Variants in TMEM117 observed in about 807,000 individuals in gnomAD.
The protein encoded by TMEM117 is transmembrane protein 117.
Under a neutral mutation model 52.4 loss-of-function variants are expected in TMEM117, and 27 were observed. That is an observed-to-expected ratio of 0.51 (90% CI 0.38 to 0.71). The LOEUF (loss-of-function observed/expected upper bound fraction) is 0.71, where lower values mean the gene tolerates loss of function less well. Ranked by LOEUF, TMEM117 falls within the 30% of genes least tolerant of loss-of-function variation. TMEM117 has a pLI of 0.00. For synonymous variants in TMEM117, 215 were observed against 206.3 expected, an observed-to-expected ratio of 1.04 and a Z score of -0.36; for missense variants, 556 against 630.5, an observed-to-expected ratio of 0.88 and a Z score of 1.26.
Position 43,978,406 on chromosome 12 carries a change from C to A in TMEM117, c.410+34064C>A, listed in dbSNP as rs193264003. ...TCATTAATAATATTGATAGGCTGAA[C>A]GGAAAAGGTCTCCAGGGCCAATATT... On this transcript the variant is annotated intron_variant, in intron 3 of 7. Transcript: ENST00000266534. Among the ~76,000 whole-genome samples the A allele has an allele frequency of 4.1e-4, 62 of 152,178 alleles. No homozygotes were observed. In the South Asian group the frequency reaches 0.012, roughly 31 times the overall value.
chr12:43,937,799 G>T (rs1944977450), intron 2 of TMEM117, among the ~76,000 whole-genome samples: 1 of 152,124 alleles, frequency 6.6e-6, no homozygotes, highest in Admixed American at 6.5e-5. Context: ...ACTATGCCAT[G>T]AGGACATAGT....
chr12:44,252,831 C>T lies in TMEM117; in HGVS notation c.608+41444C>T, dbSNP rs1950211348. Among the ~76,000 whole-genome samples the T allele has an allele frequency of 1.3e-5, 2 of 152,122 alleles. 1 individual carries two copies. Among genetic ancestry groups the T allele is most frequent in the Middle Eastern group, 6.3e-3 (2 of 316 alleles). On this transcript the variant is annotated intron_variant, in intron 5 of 7. Transcript: ENST00000266534. Reference sequence around the variant, plus strand: ...TGACACAGAGGAGGCATTAAAGGGGCAGTATGGACATGTCAGTCCCACTCC... The same window carrying T: ...TGACACAGAGGAGGCATTAAAGGGGTAGTATGGACATGTCAGTCCCACTCC...
chr12:44,047,312 A>G (rs1946895726), intron 3 of TMEM117, among the ~76,000 whole-genome samples: 1 of 152,222 alleles, frequency 6.6e-6, no homozygotes, highest in African/African-American at 2.4e-5. Flanking sequence ...CTCATAATCC[A>G]TGGGATTTTA....
At chr12:44,318,065 A>G (rs1001199513) in intron 6 of TMEM117, among the ~76,000 whole-genome samples, 1 of 152,154 alleles carries the variant, frequency 6.6e-6, no homozygotes, top group Non-Finnish European at 1.5e-5. Flanking sequence ...CTCCTAATCC[A>G]GTAGAGTGGA....
At chr12:44,315,631 A>G (rs1225599188) in intron 6 of TMEM117, among the ~76,000 whole-genome samples, 1 of 151,976 alleles carries the variant, frequency 6.6e-6, no homozygotes, top group East Asian at 1.9e-4. Flanking sequence ...TATGATTTCT[A>G]TTTTTTCTAA....
At chr12:43,874,301 C>T (rs972211304) in intron 2 of TMEM117, among the ~76,000 whole-genome samples, 4 of 152,078 alleles carry the variant, frequency 2.6e-5, no homozygotes, top group Admixed American at 2.0e-4. Flanking sequence ...CATATTAAGG[C>T]TGGGCATGGT....
At chr12:43,906,856 G>A (rs996062978) in intron 2 of TMEM117, among the ~76,000 whole-genome samples, 1 of 152,246 alleles carries the variant, frequency 6.6e-6, no homozygotes, top group African/African-American at 2.4e-5. Context: ...CCCCCACGGA[G>A]TCTCGCTGAT....
At chr12:44,186,110 A>G (rs561313736) in intron 4 of TMEM117, among the ~76,000 whole-genome samples, 1 of 152,338 alleles carries the variant, frequency 6.6e-6, no homozygotes, top group East Asian at 1.9e-4. Flanking sequence ...TGATCAGCAA[A>G]TGATTTGGCT....
Position 43,963,760 on chromosome 12 carries a change from A to C in TMEM117, c.410+19418A>C, listed in dbSNP as rs867784093. ...AGTCATTAAGATTGTCATTTGTGGT[A>C]ATAGTCTAAACTCATGGATTACTTA... is the stretch of plus-strand genomic sequence containing the variant. On this transcript the variant is annotated intron_variant, in intron 3 of 7. Coordinates refer to ENST00000266534, the MANE Select transcript of TMEM117 (RefSeq NM_032256.3). 1.3e-4 allele frequency among the ~76,000 whole-genome samples: 20 copies of C among 152,234 alleles called. 1 individual carries two copies. Among genetic ancestry groups the C allele is most frequent in the Admixed American group, 2.6e-4 (4 of 15,286 alleles).
At chr12:43,803,570 T>C in the TMEM117 span, among the ~76,000 whole-genome samples, 1 of 152,128 alleles carries the variant, frequency 6.6e-6, no homozygotes, top group African/African-American at 2.4e-5. Context: ...GTAGTGCCAT[T>C]TTCCTTCCGT....
At chr12:44,297,248 C>A (rs1592674452) in intron 5 of TMEM117, among the ~76,000 whole-genome samples, 1 of 152,166 alleles carries the variant, frequency 6.6e-6, no homozygotes, top group South Asian at 2.1e-4. Context: ...TATCAGTTTA[C>A]ATTTTTAGAC....
intron 3 of TMEM117, among the ~76,000 whole-genome samples, chr12:44,096,975 G>C (rs1353657140): frequency 6.6e-6 from 1 of 151,734 alleles, no homozygotes; most frequent in African/African-American, 2.4e-5. Context: ...TCTGACAAAG[G>C]GCTAATATCC....
intron 3 of TMEM117, among the ~76,000 whole-genome samples, chr12:44,119,122 A>G (rs1948192812): frequency 1.3e-5 from 2 of 152,238 alleles, no homozygotes; most frequent in Non-Finnish European, 2.9e-5. Context: ...AATGTGTGCC[A>G]AGCACATCAC....
At chr12:43,894,783 C>T (rs920012052) in intron 2 of TMEM117, among the ~76,000 whole-genome samples, 12 of 152,088 alleles carry the variant, frequency 7.9e-5, no homozygotes, top group Non-Finnish European at 1.3e-4. Context: ...TTCTTTATCC[C>T]GTCTGTCATT....
At chr12:44,082,233 A>G (rs1055701700) in intron 3 of TMEM117, among the ~76,000 whole-genome samples, 5 of 151,912 alleles carry the variant, frequency 3.3e-5, no homozygotes, top group Admixed American at 6.6e-5. Flanking sequence ...AATTTTCAGT[A>G]TGAGTTAGAA....
the TMEM117 span, among the ~76,000 whole-genome samples, chr12:43,818,485 GA>G: frequency 6.6e-6 from 1 of 151,584 alleles, no homozygotes; most frequent in South Asian, 2.1e-4. Context: ...CTGTCGCCTG[GA>G]CTGGAGTGTA....
the TMEM117 span, among the ~76,000 whole-genome samples, chr12:44,396,901 A>G: frequency 2.0e-5 from 3 of 152,080 alleles, no homozygotes; most frequent in African/African-American, 2.4e-5. Flanking sequence ...TTTATGTAGC[A>G]TAATATTCTC....
At chr12:43,961,699 G>T (rs1391037084) in intron 3 of TMEM117, among the ~76,000 whole-genome samples, 1 of 152,114 alleles carries the variant, frequency 6.6e-6, no homozygotes, top group Non-Finnish European at 1.5e-5. Context: ...GATAGCATGG[G>T]AATTAATAAC....
intron 2 of TMEM117, among the ~76,000 whole-genome samples, chr12:43,925,252 A>G (rs571635267): frequency 4.6e-5 from 7 of 151,586 alleles, no homozygotes; most frequent in Non-Finnish European, 8.8e-5. Context: ...CAGAGGTGAG[A>G]CTCATTGAGG....
Sources: allele counts gnomAD v4.1 joint callset (sites outside exome capture counted in the v4.1 genomes callset), GRCh38; gene constraint gnomAD v4.1.1; transcripts MANE v1.5; gene names NCBI Gene and HGNC (gene_info 2026-07-23, HGNC 2026-07-21).